The following DDX54 variants were observed in gnomAD, a reference collection of about 807,000 sequenced individuals.
The protein encoded by DDX54 is ATP-dependent RNA helicase DDX54.
A neutral mutation model predicts 105.5 loss-of-function variants in DDX54; 67 were observed. That is an observed-to-expected ratio of 0.64 (90% confidence interval 0.52 to 0.78). The LOEUF (loss-of-function observed/expected upper bound fraction) is 0.78. Among genes scored for constraint, DDX54 ranks in the 30% least tolerant of loss-of-function variants. DDX54 has a pLI of 0.00. For missense variants in DDX54, 1,206 were observed against 1,230.5 expected (o/e 0.98, Z 0.30); for synonymous variants, 514 against 509.9 (o/e 1.01, Z -0.11).
At chr12:113,168,047 C>A (rs1005283009) in intron 12 of DDX54, 3 of 433,712 alleles carry the variant, frequency 6.9e-6, no homozygotes, top group Admixed American at 2.4e-5. Flanking sequence ...GCGTGGCGCC[C>A]GACTGAGGCC....
chr12:113,185,235 C>T, intron 1 of DDX54, 43 bp downstream of exon 1: 2 of 1,449,928 alleles, frequency 1.4e-6, no homozygotes, highest in Non-Finnish European at 1.8e-6. Context: ...TGCCCGGAGC[C>T]GGGTCTCGGG....
intron 7 of DDX54, 82 bp from the exon 8 acceptor site, chr12:113,175,239 A>T: frequency 6.7e-7 from 1 of 1,501,430 alleles, no homozygotes; most frequent in South Asian, 1.3e-5. Flanking sequence ...TGTCCCCACA[A>T]CTTCTGCAGT....
Position 113,176,896 on chromosome 12 carries a change from C to G in DDX54, c.696G>C (p.Val232=), listed in dbSNP as rs1952410108. The G allele has an allele frequency of 6.2e-7, 1 of 1,614,194 alleles. No individual in the cohort carries two copies. Among genetic ancestry groups the G allele is most frequent in the South Asian group, 1.1e-5 (1 of 91,086 alleles). ...ATPGRLVHVA[V]EMSLKLQSVE... ...CACTCTGCAGCTTCAGGCTCATTTC[C>G]ACAGCCACATGCACCAACCGTCCGG... Residue 232 remains valine, a synonymous_variant, in exon 7 of 20, where the codon GTG becomes GTC. Transcript: ENST00000306014.
intron 5 of DDX54, among the ~76,000 whole-genome samples, chr12:113,177,885 T>C (rs1170418966): frequency 1.3e-5 from 2 of 152,206 alleles, no homozygotes; most frequent in Non-Finnish European, 2.9e-5. Context: ...CAGGAGATAC[T>C]ACATCTTATG....
chr12:113,171,582 G>A (rs1445753580), intron 11 of DDX54, among the ~76,000 whole-genome samples: 1 of 150,250 alleles, frequency 6.7e-6, no homozygotes. Context: ...CCAGCCTGGG[G>A]TACAAAGCAA....
chr12:113,177,010 A>G (rs2136324207), intron 6 of DDX54, 42 bp downstream of exon 6: 1 of 1,613,818 alleles, frequency 6.2e-7, no homozygotes, highest in Non-Finnish European at 8.5e-7. Flanking sequence ...CCCCACCACT[A>G]GGAAGGGATC....
chr12:113,168,281 G>T (rs969148410), intron 12 of DDX54, among the ~76,000 whole-genome samples: 2 of 152,228 alleles, frequency 1.3e-5, no homozygotes, highest in African/African-American at 4.8e-5. Flanking sequence ...AGGCAGAGGG[G>T]GCCCGGAGCT....
At position 113,157,732 on chromosome 12, in the gene DDX54, G is replaced by T; in HGVS notation, c.*1145C>A. ...GGAACCCCTGAGAGACCCTGAGATA[G>T]GAGGGCCCACATTTCCAATGGGGTG... On this transcript the variant is annotated 3_prime_UTR_variant, in exon 20 of 20. Transcript: ENST00000306014. The T allele has an allele frequency of 7.1e-7, 1 of 1,411,872 alleles. No homozygotes were observed. The highest frequency in any genetic ancestry group is 1.2e-5 in the South Asian group (1 of 81,392). The allele number at this position is 1,411,872 out of a possible 1,614,324, so 87.5% of individuals were successfully genotyped here. A position where few individuals can be genotyped will look rare whatever the true frequency, so the allele number is the denominator to read the frequency against.
intron 19 of DDX54, 123 bp downstream of exon 19, chr12:113,161,147 A>AC (rs1282281609): frequency 1.1e-5 from 7 of 654,854 alleles, no homozygotes; most frequent in South Asian, 8.2e-5. Context: ...TTGGCAGCAT[A>AC]CCCCAACACA....
chr12:113,180,677 A>G (rs1327309411), intron 2 of DDX54, among the ~76,000 whole-genome samples: 3 of 152,168 alleles, frequency 2.0e-5, no homozygotes, highest in Non-Finnish European at 4.4e-5. Context: ...TCTGCAGGCA[A>G]TAAGTCCCCG....
chr12:113,161,861 C>T (rs1368380786), intron 18 of DDX54, 32 bp downstream of exon 18: 2 of 1,459,902 alleles, frequency 1.4e-6, no homozygotes, highest in Admixed American at 3.6e-5. Context: ...CTCCTCGGCC[C>T]CGCCCCTCCC....
At chr12:113,184,645 G>A (rs1031672776) in intron 1 of DDX54, among the ~76,000 whole-genome samples, 1 of 151,946 alleles carries the variant, frequency 6.6e-6, no homozygotes, top group Non-Finnish European at 1.5e-5. Context: ...GGCAACATAG[G>A]GAGACCCCCG....
chr12:113,161,967 CTG>C lies in DDX54; in HGVS notation c.2224_2225del (p.Gln742ValfsTer10). 6.2e-7 allele frequency: 1 copy of C among 1,613,474 alleles called. No homozygotes were observed. On this transcript the variant is annotated frameshift_variant, in exon 18 of 20. Transcript: ENST00000306014. LOFTEE classifies it high-confidence loss of function. ...WDRKKKRFVG[Q>X]SGQEDKKKIK... ...TCTTCTTCTTGTCTTCCTGTCCTGA[CTG>C]TCCCACAAACCGCTTCTTCTTACGG...
intron 1 of DDX54, among the ~76,000 whole-genome samples, 170 bp from the exon 2 acceptor site, chr12:113,181,228 AAGTTTAG>A (rs986171551): frequency 7.9e-5 from 12 of 151,944 alleles, no homozygotes; most frequent in Non-Finnish European, 1.3e-4. Context: ...GCCAGGACAG[AAGTTTAG>A]AGTGGGGTCT....
intron 2 of DDX54, 30 bp downstream of exon 2, chr12:113,180,899 G>A (rs1336257865): frequency 8.1e-6 from 13 of 1,611,242 alleles, no homozygotes; most frequent in African/African-American, 6.7e-5. Context: ...TGCCACTCCC[G>A]CAGAGTCCCT....
rs200664351 is a variant in DDX54 at position 113,179,185 on chromosome 12, C to T, written c.522G>A (p.Pro174=). ...QTGARALILS[P]TRELALQTLK... Reference sequence around the variant, plus strand: ...GGGTCTGCAGGGCCAGCTCTCGGGTCGGCGAGAGGATGAGGGCGCGGGCCC... The same window carrying T: ...GGGTCTGCAGGGCCAGCTCTCGGGTTGGCGAGAGGATGAGGGCGCGGGCCC... The change falls in exon 4 of 20, where the codon CCG becomes CCA. Residue 174 remains proline, a synonymous_variant. Transcript: ENST00000306014. 14 of 1,614,020 alleles carry T rather than the reference C, an allele frequency of 8.7e-6. No homozygotes were observed. The highest frequency in any genetic ancestry group is 4.5e-5 in the East Asian group (2 of 44,870).
chr12:113,182,460 G>T (rs911358243), intron 1 of DDX54, among the ~76,000 whole-genome samples: 2 of 152,130 alleles, frequency 1.3e-5, no homozygotes, highest in African/African-American at 4.8e-5. Flanking sequence ...CCCTTGATAG[G>T]TCTGCCAACC....
intron 5 of DDX54, chr12:113,178,411 T>C (rs1952429572): frequency 6.6e-6 from 1 of 152,602 alleles, no homozygotes; most frequent in African/African-American, 2.4e-5. Context: ...ATTTCCCTTG[T>C]TGGTTTTTTT....
At chr12:113,168,055 G>A in intron 12 of DDX54, 1 of 430,146 alleles carries the variant, frequency 2.3e-6, no homozygotes, top group Non-Finnish European at 4.7e-6. Context: ...CCCGACTGAG[G>A]CCTCCACCTC....
Sources: allele counts gnomAD v4.1 joint callset (sites outside exome capture counted in the v4.1 genomes callset), GRCh38; gene constraint gnomAD v4.1.1; transcripts MANE v1.5; gene names NCBI Gene and HGNC (gene_info 2026-07-23, HGNC 2026-07-21).